The following ATRX variants were observed in gnomAD, a reference collection of about 807,000 sequenced individuals.
ATRX encodes ATRX chromatin remodeler.
In ATRX, 12 loss-of-function variants were observed where a neutral mutation model predicts 172.6. That is an observed-to-expected ratio of 0.07 (90% CI 0.04 to 0.11). ATRX has a LOEUF of 0.11. Ranked by LOEUF, ATRX falls within the 10% of genes least tolerant of loss-of-function variation. ATRX has a pLI of 1.00. For synonymous variants in ATRX, 674 were observed against 594.7 expected (o/e 1.13, Z -1.94); for missense variants, 1,368 against 1,767.4 (o/e 0.77, Z 4.05).
chrX:77,642,954 C>A, intron 15 of ATRX, among the ~76,000 whole-genome samples: 1 of 111,222 alleles, frequency 9.0e-6, no homozygotes. Context: ...CATAGCAAGA[C>A]CCTGTCTCTA....
chrX:77,670,785 A>C (rs2070524197), intron 10 of ATRX, among the ~76,000 whole-genome samples: 1 of 106,973 alleles, frequency 9.3e-6, no homozygotes, highest in Admixed American at 1.0e-4. Context: ...GGAATATGGA[A>C]TTCTTCAAAA....
At chrX:77,572,221 G>A (rs1380758280) in intron 28 of ATRX, among the ~76,000 whole-genome samples, 1 of 111,310 alleles carries the variant, frequency 9.0e-6, no homozygotes, top group Non-Finnish European at 1.9e-5. Context: ...AAATCTGTAA[G>A]TCTGAAATCC....
chrX:77,767,744 C>A (rs782143782), intron 1 of ATRX, among the ~76,000 whole-genome samples: 15 of 111,402 alleles, frequency 1.3e-4, no homozygotes, highest in Non-Finnish European at 2.4e-4. Context: ...TGGAAATAAC[C>A]TTTTCCTCTG....
intron 1 of ATRX, among the ~76,000 whole-genome samples, chrX:77,718,653 C>T (rs1439880076): frequency 9.0e-6 from 1 of 111,329 alleles, no homozygotes; most frequent in East Asian, 2.8e-4. Flanking sequence ...GGATTACAGG[C>T]GTGAGCCACT....
chrX:77,632,124 G>A (rs927246495), intron 19 of ATRX, among the ~76,000 whole-genome samples: 51 of 111,161 alleles, frequency 4.6e-4, no homozygotes, highest in African/African-American at 1.4e-3. Context: ...TCAGCCTCCT[G>A]AGTAGCTGGG....
intron 19 of ATRX, among the ~76,000 whole-genome samples, chrX:77,622,400 G>C (rs1557100561): frequency 9.0e-6 from 1 of 111,254 alleles, no homozygotes; most frequent in African/African-American, 3.3e-5. Flanking sequence ...CCTGACTTTA[G>C]CTGGAGTTGA....
intron 19 of ATRX, among the ~76,000 whole-genome samples, chrX:77,622,642 AG>A (rs2067643865): frequency 9.0e-6 from 1 of 111,411 alleles, no homozygotes; most frequent in African/African-American, 3.3e-5. Flanking sequence ...AACTCCGGGG[AG>A]GGCGCAAATC....
intron 15 of ATRX, among the ~76,000 whole-genome samples, chrX:77,640,811 G>A (rs1286321297): frequency 5.4e-5 from 6 of 111,429 alleles, no homozygotes; most frequent in African/African-American, 2.0e-4. Flanking sequence ...AGAAAAAAGA[G>A]CTACACAAAA....
chrX:77,732,090 G>A (rs1483980541), intron 1 of ATRX, among the ~76,000 whole-genome samples: 4 of 111,657 alleles, frequency 3.6e-5, no homozygotes, highest in South Asian at 3.7e-4. Flanking sequence ...CAGGGGCCTC[G>A]GGGTCACAGA....
rs782302474 is a variant in ATRX at position 77,736,958 on chromosome X, T to C, written c.21-19715A>G. Among the ~76,000 whole-genome samples, 7 of 111,621 alleles carry C rather than the reference T, an allele frequency of 6.3e-5. No individual in the cohort carries two copies. In the South Asian group the frequency reaches 1.1e-3, roughly 18 times the overall value. On this transcript the variant is annotated intron_variant, in intron 1 of 34. Coordinates refer to ENST00000373344, the MANE Select transcript of ATRX (RefSeq NM_000489.6). Reference sequence around the variant, plus strand: ...CTAGAGGTTATTATGCTAAGTGAAATAAGCCAGGCACAGAAAGACCAACAT... The same window carrying C: ...CTAGAGGTTATTATGCTAAGTGAAACAAGCCAGGCACAGAAAGACCAACAT...
chrX:77,676,384 T>G, intron 9 of ATRX, 86 bp from the exon 10 acceptor site: 9 of 904,077 alleles, frequency 1.0e-5, no homozygotes, highest in Non-Finnish European at 1.3e-5. Flanking sequence ...AGCCAAAAAC[T>G]TTAAAGCAAA....
chrX:77,533,534 A>G (rs1290383426), intron 30 of ATRX, among the ~76,000 whole-genome samples: 2 of 111,782 alleles, frequency 1.8e-5, no homozygotes, highest in African/African-American at 6.5e-5. Context: ...GAAGGAACAG[A>G]AAACCAAACC....
intron 10 of ATRX, among the ~76,000 whole-genome samples, chrX:77,672,015 C>T (rs1376556119): frequency 7.2e-5 from 8 of 110,592 alleles, no homozygotes; most frequent in Non-Finnish European, 7.6e-5. Flanking sequence ...TGGCTGGACA[C>T]CTGTGTTATA....
intron 30 of ATRX, among the ~76,000 whole-genome samples, chrX:77,529,358 A>G (rs1258907117): frequency 9.0e-6 from 1 of 111,604 alleles, no homozygotes; most frequent in African/African-American, 3.3e-5. Flanking sequence ...TAATCATCAG[A>G]TTATCCAAGG....
chrX:77,563,897 T>C (rs2065106719), intron 28 of ATRX, among the ~76,000 whole-genome samples: 1 of 110,400 alleles, frequency 9.1e-6, no homozygotes, highest in African/African-American at 3.3e-5. Flanking sequence ...GTGGGGGCAG[T>C]TGGTATAAGT....
intron 1 of ATRX, among the ~76,000 whole-genome samples, chrX:77,735,130 G>A (rs1384368110): frequency 2.7e-5 from 3 of 110,942 alleles, no homozygotes; most frequent in African/African-American, 9.8e-5. Context: ...TAAATAAATG[G>A]TGCCGGGAAA....
rs1301272546 is a variant in ATRX, at chrX:77,506,953, G to A, written c.*1398C>T. 1.4e-5 allele frequency: 1 copy of A among 72,681 alleles called. No individual in the cohort carries two copies. Among genetic ancestry groups the A allele is most frequent in the Non-Finnish European group, 2.4e-5 (1 of 42,039 alleles). The allele number at this position is 72,681 out of a possible 1,213,427, so 6.0% of individuals were successfully genotyped here. On this transcript the variant is annotated 3_prime_UTR_variant, in exon 35 of 35. Coordinates refer to ENST00000373344, the MANE Select transcript of ATRX (RefSeq NM_000489.6). ...TTCTTAAGCTGTTTCACTACCTGTT[G>A]TATCATCATCTCAAAAATGGTTCTG...
intron 1 of ATRX, among the ~76,000 whole-genome samples, chrX:77,737,195 C>T (rs957301648): frequency 1.8e-5 from 2 of 110,172 alleles, no homozygotes; most frequent in African/African-American, 6.6e-5. Context: ...GAGGCCGCGG[C>T]GGGCGAACCA....
chrX:77,784,033 T>C (rs187112239), intron 1 of ATRX, among the ~76,000 whole-genome samples: 7 of 112,352 alleles, frequency 6.2e-5, no homozygotes, highest in Admixed American at 5.7e-4. Flanking sequence ...ACTTCTTTCA[T>C]TGTAACACTT....
Sources: allele counts gnomAD v4.1 joint callset (sites outside exome capture counted in the v4.1 genomes callset), GRCh38; gene constraint gnomAD v4.1.1; transcripts MANE v1.5; gene names NCBI Gene and HGNC (gene_info 2026-07-23, HGNC 2026-07-21).